The following RAB11A variants were observed in gnomAD, a reference collection of about 807,000 sequenced individuals.
RAB11A encodes the protein ras-related protein Rab-11A.
A neutral mutation model predicts 28.0 loss-of-function variants in RAB11A; 9 were observed. The observed-to-expected ratio is 0.32, with a 90% CI of 0.19 to 0.56. RAB11A has a LOEUF of 0.56. Ranked by LOEUF, RAB11A falls within the 20% of genes least tolerant of loss-of-function variation. RAB11A has a pLI of 0.91. For synonymous variants in RAB11A, 85 were observed against 88.2 expected, an observed-to-expected ratio of 0.96 and a Z score of 0.20; for missense variants, 108 against 269.6, an observed-to-expected ratio of 0.40 and a Z score of 4.20.
rs2078150936 is a variant in RAB11A, at chr15:65,870,271, T to G, written c.40+646T>G. ...GGTTCTCGCGGTCCTTAACCTTCTC[T>G]GACCGCTCCCTCTCCCACTCCCCAT... On this transcript the variant is annotated intron_variant, in intron 1 of 4. Coordinates refer to ENST00000261890, the MANE Select transcript of RAB11A (RefSeq NM_004663.5). 2.6e-5 allele frequency among the ~76,000 whole-genome samples: 4 copies of G among 152,164 alleles called. No individual in the cohort carries two copies. The South Asian group carries it at 8.3e-4, about 32-fold the overall frequency.
chr15:65,871,665 C>T (rs550322047), intron 1 of RAB11A, among the ~76,000 whole-genome samples: 1 of 152,234 alleles, frequency 6.6e-6, no homozygotes, highest in Admixed American at 6.5e-5. Context: ...ATTAGACCAT[C>T]CTTCTAGCAA....
chr15:65,874,433 G>T (rs1253702210), intron 1 of RAB11A, among the ~76,000 whole-genome samples: 1 of 151,884 alleles, frequency 6.6e-6, no homozygotes, highest in Admixed American at 6.6e-5. Flanking sequence ...TAGAGATGAG[G>T]TTTCTCCATG....
chr15:65,885,171 C>G (rs1321921835), intron 4 of RAB11A, among the ~76,000 whole-genome samples: 2 of 143,912 alleles, frequency 1.4e-5, no homozygotes, highest in Admixed American at 7.0e-5. Flanking sequence ...TGCTCTGTTG[C>G]CCAGGCTGGA....
rs557214817 is a variant in RAB11A at position 65,879,981 on chromosome 15, C to T, written c.511+230C>T. ...TGGGAAAAATACTTTGAAAATAATT[C>T]ATTCACTTCCATTATTACTTCAGTC... On this transcript the variant is annotated intron_variant, in intron 4 of 4. Transcript: ENST00000261890. Among the ~76,000 whole-genome samples, 300 of 152,280 alleles carry T rather than the reference C, an allele frequency of 2.0e-3. 1 individual carries two copies. Among genetic ancestry groups the T allele is most frequent in the African/African-American group, 6.7e-3 (279 of 41,544 alleles).
chr15:65,869,536 G>C lies in RAB11A; in HGVS notation c.-50G>C, dbSNP rs2078144661. The C allele has an allele frequency of 6.2e-7, 1 of 1,600,370 alleles. No homozygotes were observed. The highest frequency in any genetic ancestry group is 2.2e-5 in the East Asian group (1 of 44,718). ...GTTACCCCTGCAGCGACGCCCCCTG[G>C]TCCCACAGATACCACTGCTGCTCCC... On this transcript the variant is annotated 5_prime_UTR_variant, in exon 1 of 5. Coordinates refer to ENST00000261890, the MANE Select transcript of RAB11A (RefSeq NM_004663.5).
At chr15:65,876,649 C>T (rs191654532) in intron 1 of RAB11A, among the ~76,000 whole-genome samples, 10 of 152,146 alleles carry the variant, frequency 6.6e-5, no homozygotes, top group Non-Finnish European at 1.5e-4. Context: ...TCCTAATACC[C>T]CCTGTTTATC....
chr15:65,872,119 A>G (rs936793663), intron 1 of RAB11A, among the ~76,000 whole-genome samples: 2 of 151,196 alleles, frequency 1.3e-5, no homozygotes. Flanking sequence ...ACGCCCGGCT[A>G]GTTTTTTGTT....
intron 4 of RAB11A, 28 bp from the exon 5 acceptor site, chr15:65,887,673 A>C (rs1201556717): frequency 6.3e-7 from 1 of 1,589,466 alleles, no homozygotes; most frequent in Admixed American, 1.7e-5. Context: ...TATTCACACT[A>C]AGTATTGTGG....
At chr15:65,879,608 T>C (rs1178305249) in intron 3 of RAB11A, 63 bp from the exon 4 acceptor site, 1 of 1,273,136 alleles carries the variant, frequency 7.9e-7, no homozygotes, top group East Asian at 2.4e-5. Context: ...TTTTGAGGGC[T>C]TGAGTATATC....
At chr15:65,882,406 C>A (rs904651948) in intron 4 of RAB11A, among the ~76,000 whole-genome samples, 5 of 152,148 alleles carry the variant, frequency 3.3e-5, no homozygotes, top group Non-Finnish European at 7.4e-5. Flanking sequence ...TGTTAACAGT[C>A]TTAAGGGAGT....
In RAB11A at chr15:65,891,535, C is replaced by T. The variant is rs1486857045; in HGVS notation, c.*3695C>T. 2.6e-5 allele frequency: 4 copies of T among 152,136 alleles called. No individual in the cohort carries two copies. Among genetic ancestry groups the T allele is most frequent in the Admixed American group, 2.6e-4 (4 of 15,276 alleles). The allele number at this position is 152,136 out of a possible 1,614,324, so 9.4% of individuals were successfully genotyped here. On this transcript the variant is annotated 3_prime_UTR_variant, in exon 5 of 5. Transcript: ENST00000261890. ...TTCATTTTTGAGCCTCACATTCTTC[C>T]AATTAATGAGGGTACCAGATTAAAT... is the stretch of plus-strand genomic sequence containing the variant.
intron 1 of RAB11A, among the ~76,000 whole-genome samples, chr15:65,874,328 C>T (rs186975881): frequency 5.7e-4 from 86 of 152,034 alleles, no homozygotes; most frequent in African/African-American, 1.8e-3. Context: ...CTGCAACCTC[C>T]GCCTCCCGCT....
rs2078295547 is a variant in RAB11A, at chr15:65,891,466, G to C, written c.*3626G>C. The C allele has an allele frequency of 6.6e-6, 1 of 152,180 alleles. No homozygotes were observed. Among genetic ancestry groups the C allele is most frequent in the African/African-American group, 2.4e-5 (1 of 41,442 alleles). The allele number at this position is 152,180 out of a possible 1,614,324, so 9.4% of individuals were successfully genotyped here. A position where few individuals can be genotyped will look rare whatever the true frequency, so the allele number is the denominator to read the frequency against. ...AAAGTAGCTGGTATGATAGAGCACTGGACTGAGTAACGAAGAGATTCTAGT... is the reference window on the plus strand; with the variant it reads ...AAAGTAGCTGGTATGATAGAGCACTCGACTGAGTAACGAAGAGATTCTAGT... On this transcript the variant is annotated 3_prime_UTR_variant, in exon 5 of 5. Coordinates refer to ENST00000261890, the MANE Select transcript of RAB11A (RefSeq NM_004663.5).
intron 4 of RAB11A, among the ~76,000 whole-genome samples, chr15:65,881,683 C>G (rs1191390310): frequency 6.6e-6 from 1 of 151,970 alleles, no homozygotes; most frequent in African/African-American, 2.4e-5. Flanking sequence ...CTAGTCGGTA[C>G]TTAAAATTGA....
At position 65,891,935 on chromosome 15, in the gene RAB11A, G is replaced by T. The variant is rs1414242974; in HGVS notation, c.*4095G>T. 1 of 152,076 alleles carries T rather than the reference G, an allele frequency of 6.6e-6. No homozygotes were observed. Among genetic ancestry groups the T allele is most frequent in the Non-Finnish European group, 1.5e-5 (1 of 68,002 alleles). 9.4% of individuals were successfully genotyped at this position (152,076 alleles called of 1,614,324 possible). A position where few individuals can be genotyped will look rare whatever the true frequency, so the allele number is the denominator to read the frequency against. ...CTTTTGCTGTTAAAAAAAAACTGCT[G>T]GCTTTTAATATGTACTTTAAAATAT... On this transcript the variant is annotated 3_prime_UTR_variant, in exon 5 of 5. Transcript: ENST00000261890.
chr15:65,885,977 C>G (rs1267190975), intron 4 of RAB11A, among the ~76,000 whole-genome samples: 1 of 152,202 alleles, frequency 6.6e-6, no homozygotes, highest in Non-Finnish European at 1.5e-5. Flanking sequence ...GGTACATTAT[C>G]TCGTGAAAGA....
chr15:65,877,212 A>G lies in RAB11A; in HGVS notation c.41-120A>G, dbSNP rs990212379. On this transcript the variant is annotated intron_variant, in intron 1 of 4. Transcript: ENST00000261890. The surrounding 1 kb of genome is among the most constrained non-coding windows in gnomAD (Gnocchi z 4.1). ...CTACCCCCATTCCTTTTTAAAAGTC[A>G]TATACCTTATTTTTCTTGCTTTATT... is the stretch of plus-strand genomic sequence containing the variant. 6 of 814,460 alleles carry G rather than the reference A, an allele frequency of 7.4e-6. No individual in the cohort carries two copies. Among genetic ancestry groups the G allele is most frequent in the South Asian group, 3.7e-5 (2 of 54,598 alleles). The allele number at this position is 814,460 out of a possible 1,614,324, so 50.5% of individuals were successfully genotyped here.
intron 3 of RAB11A, 68 bp downstream of exon 3, chr15:65,878,023 A>C: frequency 7.3e-7 from 1 of 1,377,532 alleles, no homozygotes; most frequent in Non-Finnish European, 1.0e-6. Context: ...TTCCAATGAG[A>C]GTAATAGGTT....
At chr15:65,882,231 T>C (rs377076193) in intron 4 of RAB11A, among the ~76,000 whole-genome samples, 1 of 152,238 alleles carries the variant, frequency 6.6e-6, no homozygotes, top group Non-Finnish European at 1.5e-5. Flanking sequence ...TGTTGGTCTG[T>C]AGGATCAGAG....
Sources: gnomAD v4.1 joint callset for allele counts (sites outside exome capture counted in the v4.1 genomes callset) on GRCh38, gnomAD v4.1.1 for gene constraint, Gnocchi (gnomAD v3.1) non-coding constraint, MANE v1.5 for transcripts, NCBI Gene and HGNC (gene_info 2026-07-23, HGNC 2026-07-21) for gene names.